CLSTN2: variants seen among roughly 807,000 people sequenced by gnomAD.
CLSTN2 encodes the protein calsyntenin 2.
CLSTN2 carries 48 observed loss-of-function variants against 101.2 expected under a neutral mutation model. That is an observed-to-expected ratio of 0.47 (90% CI 0.38 to 0.60). The LOEUF is 0.60. Ranked by LOEUF, CLSTN2 falls within the 20% of genes least tolerant of loss-of-function variation. The pLI is 0.00. For missense variants in CLSTN2, 1,160 were observed against 1,238.2 expected (o/e 0.94, Z 0.95); for synonymous variants, 481 against 463.6 (o/e 1.04, Z -0.48).
At chr3:140,309,339 G>C (rs898641909) in intron 2 of CLSTN2, among the ~76,000 whole-genome samples, 5 of 152,134 alleles carry the variant, frequency 3.3e-5, no homozygotes, top group Non-Finnish European at 5.9e-5. Context: ...GTAAGTGACA[G>C]GAGGATATCT....
chr3:139,968,699 C>T (rs910686154), intron 1 of CLSTN2, among the ~76,000 whole-genome samples: 4 of 152,058 alleles, frequency 2.6e-5, no homozygotes, highest in Admixed American at 6.5e-5. Context: ...GCAATGACTT[C>T]GTGGTTTGGT....
rs1362156499 is a variant in CLSTN2, at chr3:140,127,024, T to TGTC, written c.110-48927_110-48926insGTC. On this transcript the variant is annotated intron_variant, in intron 1 of 16. Coordinates refer to ENST00000458420, the MANE Select transcript of CLSTN2 (RefSeq NM_022131.3). ...TCACTATGTGTCATTATATGTGTCA[T>TGTC]ATATATATATCATGTGTCATTATAT... Among the ~76,000 whole-genome samples, 3 of 105,868 alleles carry TGTC rather than the reference T, an allele frequency of 2.8e-5. No homozygotes were observed. The East Asian group carries it at 1.3e-3, about 45-fold the overall frequency. 69.5% of individuals were successfully genotyped at this position (105,868 alleles called of 152,430 possible). A position where few individuals can be genotyped will look rare whatever the true frequency, so the allele number is the denominator to read the frequency against.
chr3:140,555,376 C>T (rs1265836287), intron 10 of CLSTN2, among the ~76,000 whole-genome samples: 5 of 152,088 alleles, frequency 3.3e-5, no homozygotes, highest in Admixed American at 1.3e-4. Context: ...AAGTGTCCCA[C>T]GGGAGGGAAA....
intron 2 of CLSTN2, among the ~76,000 whole-genome samples, chr3:140,387,122 A>G (rs1187193210): frequency 6.6e-6 from 1 of 152,146 alleles, no homozygotes; most frequent in African/African-American, 2.4e-5. Context: ...TGCCTCATGG[A>G]GCTCTGAGGA....
At chr3:140,493,905 G>T (rs12054019) in intron 8 of CLSTN2, among the ~76,000 whole-genome samples, 1 of 152,104 alleles carries the variant, frequency 6.6e-6, no homozygotes, top group Admixed American at 6.5e-5. Context: ...CCACGTTGAA[G>T]GGTGTTATTA....
intron 8 of CLSTN2, among the ~76,000 whole-genome samples, chr3:140,516,185 T>C (rs1934914154): frequency 6.6e-6 from 1 of 152,196 alleles, no homozygotes; most frequent in South Asian, 2.1e-4. Context: ...TTGCATGGAA[T>C]ATATTTTTCC....
At chr3:140,346,907 C>G (rs1010593054) in intron 2 of CLSTN2, among the ~76,000 whole-genome samples, 3 of 152,222 alleles carry the variant, frequency 2.0e-5, no homozygotes, top group Admixed American at 2.0e-4. Context: ...CTTACCTAAA[C>G]TAGTAGCACA....
chr3:140,188,897 C>T (rs970171183), intron 2 of CLSTN2, among the ~76,000 whole-genome samples: 1 of 152,138 alleles, frequency 6.6e-6, no homozygotes, highest in Non-Finnish European at 1.5e-5. Context: ...ACAAGGATCC[C>T]ACATTGCCCT....
intron 1 of CLSTN2, among the ~76,000 whole-genome samples, chr3:140,140,807 C>G (rs2009686676): frequency 6.6e-6 from 1 of 152,148 alleles, no homozygotes; most frequent in Non-Finnish European, 1.5e-5. Flanking sequence ...AAAATCTTCC[C>G]CTTTCTATAT....
chr3:140,374,501 C>A (rs891121754), intron 2 of CLSTN2, among the ~76,000 whole-genome samples: 1 of 152,076 alleles, frequency 6.6e-6, no homozygotes, highest in African/African-American at 2.4e-5. Context: ...AATTGTTAAA[C>A]CTCTACTGAA....
rs560213173 is a variant in CLSTN2 at position 140,055,426 on chromosome 3, A to G, written c.109+119943A>G. On this transcript the variant is annotated intron_variant, in intron 1 of 16. Transcript: ENST00000458420. ...TGTTCTTGGGAGAAAGCTTGTTGGA[A>G]GAAGTGCTTAGATTTCAAAACCACA... Among the ~76,000 whole-genome samples the G allele has an allele frequency of 5.9e-4, 90 of 152,330 alleles. No homozygotes were observed. In the South Asian group the frequency reaches 8.3e-3, roughly 14 times the overall value.
chr3:140,401,908 C>T (rs2088246414), intron 2 of CLSTN2, among the ~76,000 whole-genome samples: 1 of 152,142 alleles, frequency 6.6e-6, no homozygotes, highest in African/African-American at 2.4e-5. Flanking sequence ...ACTGAAATGC[C>T]TAGTGATCCC....
At chr3:140,036,244 A>G (rs2007650031) in intron 1 of CLSTN2, among the ~76,000 whole-genome samples, 1 of 151,706 alleles carries the variant, frequency 6.6e-6, no homozygotes, top group Non-Finnish European at 1.5e-5. Context: ...AGCACTAACA[A>G]TCACATACAT....
At chr3:139,972,094 C>T (rs1316010323) in intron 1 of CLSTN2, among the ~76,000 whole-genome samples, 3 of 152,016 alleles carry the variant, frequency 2.0e-5, no homozygotes, top group Non-Finnish European at 4.4e-5. Context: ...TGAGACCCCA[C>T]CTCTACTAAA....
intron 4 of CLSTN2, among the ~76,000 whole-genome samples, chr3:140,420,174 G>A (rs9653938): frequency 0.58 from 88,476 of 151,324 alleles, 28,360 homozygotes; most frequent in African/African-American, 0.87. Flanking sequence ...GATTACAGAC[G>A]TGAACCACTG....
At chr3:140,188,467 G>T (rs546942924) in intron 2 of CLSTN2, among the ~76,000 whole-genome samples, 1 of 152,148 alleles carries the variant, frequency 6.6e-6, no homozygotes, top group Non-Finnish European at 1.5e-5. Context: ...ATTGCACCTT[G>T]CAGGGGTTAA....
chr3:140,047,388 T>C (rs143423964), intron 1 of CLSTN2, among the ~76,000 whole-genome samples: 180 of 152,340 alleles, frequency 1.2e-3, no homozygotes, highest in African/African-American at 4.3e-3. Flanking sequence ...TCCATGTGTC[T>C]TAACTATCTG....
chr3:140,432,205 A>G (rs1382961308), intron 5 of CLSTN2, among the ~76,000 whole-genome samples: 1 of 152,138 alleles, frequency 6.6e-6, no homozygotes, highest in Non-Finnish European at 1.5e-5. Flanking sequence ...GCTATGCCAT[A>G]GCTCACTCTG....
At chr3:139,990,798 G>T (rs570266465) in intron 1 of CLSTN2, among the ~76,000 whole-genome samples, 1 of 152,260 alleles carries the variant, frequency 6.6e-6, no homozygotes, top group South Asian at 2.1e-4. Flanking sequence ...CACTGTAATG[G>T]TTTAATTCAC....
Sources: gnomAD v4.1 joint callset for allele counts (sites outside exome capture counted in the v4.1 genomes callset) on GRCh38, gnomAD v4.1.1 for gene constraint, MANE v1.5 for transcripts, NCBI Gene and HGNC (gene_info 2026-07-23, HGNC 2026-07-21) for gene names.